The following PKNOX2 variants were observed in gnomAD, a reference collection of about 807,000 sequenced individuals.
PKNOX2 encodes homeobox protein PKNOX2.
Under a neutral mutation model 53.1 loss-of-function variants are expected in PKNOX2, and 14 were observed. That is an observed-to-expected ratio of 0.26 (90% CI 0.17 to 0.41). The LOEUF is 0.41. PKNOX2 is among the 10% of genes least tolerant of loss of function. The pLI is 1.00. For synonymous variants in PKNOX2, 257 were observed against 242.8 expected (o/e 1.06, Z -0.54); for missense variants, 496 against 602.8 (o/e 0.82, Z 1.85).
intron 4 of PKNOX2, among the ~76,000 whole-genome samples, chr11:125,367,622 G>A (rs920036545): frequency 6.6e-6 from 1 of 152,120 alleles, no homozygotes; most frequent in African/African-American, 2.4e-5. Context: ...TCCTGGTTTT[G>A]GATGGCCTGA....
At chr11:125,279,892 A>G (rs567069148) in intron 2 of PKNOX2, among the ~76,000 whole-genome samples, 2 of 152,358 alleles carry the variant, frequency 1.3e-5, no homozygotes, top group African/African-American at 4.8e-5. Flanking sequence ...CGGTTGCCAT[A>G]GCAACAGCCT....
At chr11:125,399,766 A>G (rs1954625405) in intron 7 of PKNOX2, among the ~76,000 whole-genome samples, 1 of 152,094 alleles carries the variant, frequency 6.6e-6, no homozygotes, top group African/African-American at 2.4e-5. Flanking sequence ...CTCCAACTCC[A>G]CCTCGAGCTC....
intron 2 of PKNOX2, among the ~76,000 whole-genome samples, chr11:125,289,921 C>G (rs1947199650): frequency 6.6e-6 from 1 of 152,192 alleles, no homozygotes; most frequent in East Asian, 1.9e-4. Flanking sequence ...AGCAGCAGCA[C>G]CAGCCCTTGA....
At chr11:125,218,684 T>C (rs1940814014) in intron 1 of PKNOX2, among the ~76,000 whole-genome samples, 1 of 152,136 alleles carries the variant, frequency 6.6e-6, no homozygotes, top group Admixed American at 6.5e-5. Context: ...AGCACTGGCC[T>C]GAGCAGCAGT....
At position 125,242,486 on chromosome 11, in the gene PKNOX2, A is replaced by G. The variant is rs146589125; in HGVS notation, c.-130+7371A>G. Reference sequence around the variant, plus strand: ...CATGTACCTGCCTGTGTGTGTCTGCATGTGCTGGGGGCCTGAGTGGTGCAC... The same window carrying G: ...CATGTACCTGCCTGTGTGTGTCTGCGTGTGCTGGGGGCCTGAGTGGTGCAC... On this transcript the variant is annotated intron_variant, in intron 2 of 12. Coordinates refer to ENST00000298282, the MANE Select transcript of PKNOX2 (RefSeq NM_001382323.2). Among the ~76,000 whole-genome samples the G allele has an allele frequency of 5.8e-3, 889 of 152,202 alleles. 7 individuals carry two copies. Among genetic ancestry groups the G allele is most frequent in the Non-Finnish European group, 8.9e-3 (602 of 67,998 alleles).
chr11:125,331,432 C>T (rs1247217480), intron 2 of PKNOX2, among the ~76,000 whole-genome samples: 1 of 150,898 alleles, frequency 6.6e-6, no homozygotes, highest in African/African-American at 2.4e-5. Context: ...CTACCACTGT[C>T]CCCCCTTCCT....
intron 2 of PKNOX2, among the ~76,000 whole-genome samples, chr11:125,255,268 T>G (rs144928891): frequency 1.7e-3 from 261 of 152,200 alleles, no homozygotes; most frequent in African/African-American, 6.0e-3. Flanking sequence ...TCTCTATATG[T>G]CTCCATGACA....
At chr11:125,402,806 C>T (rs1954831391) in intron 7 of PKNOX2, among the ~76,000 whole-genome samples, 1 of 152,198 alleles carries the variant, frequency 6.6e-6, no homozygotes, top group African/African-American at 2.4e-5. Context: ...CATCCTTCCT[C>T]AGAGGGGGAC....
rs1591466141 is a variant in PKNOX2, at chr11:125,166,774, C to A, written c.-201+1998C>A. Among the ~76,000 whole-genome samples, 1 of 152,194 alleles carries A rather than the reference C, an allele frequency of 6.6e-6. No individual in the cohort carries two copies. Among genetic ancestry groups the A allele is most frequent in the East Asian group, 1.9e-4 (1 of 5,184 alleles). ...AAGCCCACAAACCCGGCCTTTGGTG[C>A]GCCCGGGGGAGGAGGAAGCTTGGAG... On this transcript the variant is annotated intron_variant, in intron 1 of 12. Transcript: ENST00000298282. The surrounding 1 kb of genome is among the most constrained non-coding windows in gnomAD (Gnocchi z 4.0).
At chr11:125,414,089 C>A (rs1222649674) in intron 10 of PKNOX2, among the ~76,000 whole-genome samples, 1 of 152,210 alleles carries the variant, frequency 6.6e-6, no homozygotes, top group Non-Finnish European at 1.5e-5. Context: ...CCTCTCATCT[C>A]CTTCCTTGTG....
At chr11:125,197,016 T>A (rs1331141189) in intron 1 of PKNOX2, among the ~76,000 whole-genome samples, 1 of 152,208 alleles carries the variant, frequency 6.6e-6, no homozygotes, top group African/African-American at 2.4e-5. Context: ...ATGCATTAAA[T>A]GAACTCACAT....
At chr11:125,296,048 CT>C (rs1947636674) in intron 2 of PKNOX2, among the ~76,000 whole-genome samples, 1 of 152,132 alleles carries the variant, frequency 6.6e-6, no homozygotes. Flanking sequence ...CTCTCCACCC[CT>C]GGTGTCTTCA....
intron 1 of PKNOX2, among the ~76,000 whole-genome samples, chr11:125,179,798 A>G (rs1423219078): frequency 6.6e-6 from 1 of 152,228 alleles, no homozygotes; most frequent in Non-Finnish European, 1.5e-5. Context: ...GAGCATAATG[A>G]CAATAAAAAT....
At chr11:125,203,830 C>T (rs566453078) in intron 1 of PKNOX2, among the ~76,000 whole-genome samples, 11 of 152,248 alleles carry the variant, frequency 7.2e-5, no homozygotes, top group African/African-American at 1.7e-4. Context: ...CCATGTCCCC[C>T]GAAGCAATGG....
At chr11:125,424,359 T>C (rs760053665) in intron 10 of PKNOX2, among the ~76,000 whole-genome samples, 2 of 152,214 alleles carry the variant, frequency 1.3e-5, no homozygotes, top group Non-Finnish European at 2.9e-5. Context: ...ACTTTTTTTT[T>C]CTTCCATTTT....
intron 1 of PKNOX2, among the ~76,000 whole-genome samples, chr11:125,181,563 C>A (rs1205980787): frequency 6.6e-6 from 1 of 152,192 alleles, no homozygotes; most frequent in Non-Finnish European, 1.5e-5. Context: ...GAGCAACAGA[C>A]CTGAACAACG....
chr11:125,338,126 C>T (rs1009921015), intron 3 of PKNOX2, among the ~76,000 whole-genome samples: 1 of 152,182 alleles, frequency 6.6e-6, no homozygotes, highest in Non-Finnish European at 1.5e-5. Context: ...GCTCTCTGTC[C>T]CCCTTGGGGA....
At chr11:125,223,287 T>C (rs988295561) in intron 1 of PKNOX2, among the ~76,000 whole-genome samples, 4 of 151,978 alleles carry the variant, frequency 2.6e-5, no homozygotes, top group African/African-American at 7.3e-5. Context: ...TGGAATGCAA[T>C]GGCGCAATCT....
intron 7 of PKNOX2, among the ~76,000 whole-genome samples, chr11:125,401,631 C>A (rs577210838): frequency 3.7e-4 from 57 of 152,236 alleles, no homozygotes; most frequent in Non-Finnish European, 4.4e-4. Flanking sequence ...AGGTAGGGGC[C>A]GGGCTTGCAT....
Sources: gnomAD v4.1 joint callset for allele counts (sites outside exome capture counted in the v4.1 genomes callset) on GRCh38, gnomAD v4.1.1 for gene constraint, Gnocchi (gnomAD v3.1) non-coding constraint, MANE v1.5 for transcripts, NCBI Gene and HGNC (gene_info 2026-07-23, HGNC 2026-07-21) for gene names.